The following FAM110B variants were observed in gnomAD, a reference collection of about 807,000 sequenced individuals.
FAM110B encodes the protein protein FAM110B.
A neutral mutation model predicts 20.4 loss-of-function variants in FAM110B; 6 were observed. The observed-to-expected ratio is 0.29, with a 90% CI of 0.16 to 0.58. The LOEUF (loss-of-function observed/expected upper bound fraction) is 0.58. Ranked by LOEUF, FAM110B falls within the 20% of genes least tolerant of loss-of-function variation. The probability of loss-of-function intolerance (pLI) is 0.90; values close to 1 mark genes in which losing one functional copy is unlikely to be tolerated. For missense variants in FAM110B, 434 were observed against 498.2 expected (o/e 0.87, Z 1.23); for synonymous variants, 226 against 214.1 (o/e 1.06, Z -0.49).
intron 1 of FAM110B, among the ~76,000 whole-genome samples, chr8:58,010,183 GTT>G (rs34438201): frequency 6.4e-5 from 9 of 140,690 alleles, no homozygotes; most frequent in Non-Finnish European, 4.7e-5. Context: ...CGCCCTGCTA[GTT>G]TTTTTTTTTT....
intron 2 of FAM110B, among the ~76,000 whole-genome samples, chr8:58,064,133 A>G (rs1268558747): frequency 3.9e-5 from 6 of 152,182 alleles, no homozygotes; most frequent in Non-Finnish European, 5.9e-5. Context: ...GGGTGATGGT[A>G]CTGAACCATT....
At chr8:58,071,870 G>A (rs1362296076) in intron 2 of FAM110B, among the ~76,000 whole-genome samples, 2 of 152,150 alleles carry the variant, frequency 1.3e-5, no homozygotes, top group Non-Finnish European at 2.9e-5. Flanking sequence ...GGGAACAGTC[G>A]TTCTACTTCA....
intron 3 of FAM110B, among the ~76,000 whole-genome samples, chr8:58,094,705 A>C (rs1429292939): frequency 6.6e-6 from 1 of 151,938 alleles, no homozygotes; most frequent in Non-Finnish European, 1.5e-5. Flanking sequence ...TTGGCCTGAA[A>C]TTTTCTTTTT....
intron 2 of FAM110B, among the ~76,000 whole-genome samples, chr8:58,042,237 C>G (rs1324272174): frequency 6.6e-6 from 1 of 152,124 alleles, no homozygotes; most frequent in East Asian, 1.9e-4. Flanking sequence ...TCTAAAATCA[C>G]AGATGTTGAT....
At chr8:58,138,930 A>G (rs2150640952) in intron 3 of FAM110B, among the ~76,000 whole-genome samples, 1 of 152,292 alleles carries the variant, frequency 6.6e-6, no homozygotes, top group African/African-American at 2.4e-5. Context: ...CTGCATCTCT[A>G]CACCTGGTTC....
intron 1 of FAM110B, among the ~76,000 whole-genome samples, chr8:57,995,901 C>T (rs1471701525): frequency 6.6e-6 from 1 of 152,206 alleles, no homozygotes; most frequent in Non-Finnish European, 1.5e-5. Context: ...GTCTATTTCT[C>T]AAAAGGGAAT....
chr8:58,101,348 G>A (rs1806775390), intron 3 of FAM110B, among the ~76,000 whole-genome samples: 1 of 152,128 alleles, frequency 6.6e-6, no homozygotes, highest in Non-Finnish European at 1.5e-5. Flanking sequence ...TTTGTGTGTT[G>A]CCAAGCTCCA....
chr8:58,147,671 G>T lies in FAM110B; in HGVS notation c.*328G>T, dbSNP rs1803899434. 7.6e-6 allele frequency: 2 copies of T among 261,440 alleles called. No homozygotes were observed. Among genetic ancestry groups the T allele is most frequent in the Non-Finnish European group, 1.6e-5 (2 of 126,840 alleles). The allele number at this position is 261,440 out of a possible 1,614,324, so 16.2% of individuals were successfully genotyped here. On this transcript the variant is annotated 3_prime_UTR_variant, in exon 4 of 4. Coordinates refer to ENST00000519262, the MANE Select transcript of FAM110B (RefSeq NM_001377989.1). ...TTGTGTTTTTATATCCCGCGCTATT[G>T]TGTCTTAATTAAAAGTTTTATCAAC... is the stretch of plus-strand genomic sequence containing the variant.
intron 1 of FAM110B, among the ~76,000 whole-genome samples, chr8:58,004,319 A>T (rs1804358906): frequency 1.3e-5 from 2 of 151,948 alleles, no homozygotes; most frequent in Admixed American, 1.3e-4. Context: ...TACACTGAAA[A>T]CCTGTTGTCT....
chr8:58,125,514 C>A (rs887292362), intron 3 of FAM110B, among the ~76,000 whole-genome samples: 2 of 152,140 alleles, frequency 1.3e-5, no homozygotes, highest in South Asian at 2.1e-4. Context: ...ACATTTTAAT[C>A]CATGGCATAT....
chr8:58,001,774 T>C (rs1261370823), intron 1 of FAM110B, among the ~76,000 whole-genome samples: 2 of 152,206 alleles, frequency 1.3e-5, no homozygotes, highest in African/African-American at 4.8e-5. Context: ...TTCTTTGGAC[T>C]TTTCATTTTA....
At chr8:58,009,809 G>C (rs1304967734) in intron 1 of FAM110B, among the ~76,000 whole-genome samples, 1 of 152,152 alleles carries the variant, frequency 6.6e-6, no homozygotes, top group Non-Finnish European at 1.5e-5. Flanking sequence ...AGTAATAACT[G>C]AAAGCAAGAA....
intron 1 of FAM110B, among the ~76,000 whole-genome samples, chr8:58,026,656 A>G (rs1804861202): frequency 6.6e-6 from 1 of 152,176 alleles, no homozygotes; most frequent in Non-Finnish European, 1.5e-5. Flanking sequence ...AAGTATGGAC[A>G]CCAGGATAGT....
intron 3 of FAM110B, among the ~76,000 whole-genome samples, chr8:58,133,177 A>C (rs1292277577): frequency 6.6e-6 from 1 of 150,696 alleles, no homozygotes; most frequent in Non-Finnish European, 1.5e-5. Flanking sequence ...TATAATCCTT[A>C]GAGAGCCTCT....
chr8:58,136,064 T>G (rs1803605886), intron 3 of FAM110B, among the ~76,000 whole-genome samples: 1 of 141,632 alleles, frequency 7.1e-6, no homozygotes, highest in Non-Finnish European at 1.5e-5. Context: ...CAGGCTGAAG[T>G]TCAGTGATGT....
chr8:58,044,269 C>T (rs1188877235), intron 2 of FAM110B, among the ~76,000 whole-genome samples: 1 of 152,160 alleles, frequency 6.6e-6, no homozygotes, highest in African/African-American at 2.4e-5. Context: ...ATGATGACCC[C>T]TGAGATTGTT....
intron 2 of FAM110B, among the ~76,000 whole-genome samples, chr8:58,072,498 G>A (rs1805925017): frequency 6.6e-6 from 1 of 152,032 alleles, no homozygotes; most frequent in Admixed American, 6.5e-5. Context: ...TTATGTTTTT[G>A]CAAAGTAACC....
chr8:58,075,267 T>G (rs1393899080), intron 2 of FAM110B, among the ~76,000 whole-genome samples: 93 of 134,214 alleles, frequency 6.9e-4, no homozygotes, highest in South Asian at 2.9e-3. Context: ...TTTTGCTTTT[T>G]TTTTTTTTTG....
intron 3 of FAM110B, among the ~76,000 whole-genome samples, chr8:58,103,614 G>A (rs1272643862): frequency 1.3e-5 from 2 of 152,100 alleles, no homozygotes; most frequent in Non-Finnish European, 2.9e-5. Flanking sequence ...CCTTCCAGGA[G>A]GTGTAAGGTA....
Sources: allele counts gnomAD v4.1 joint callset (sites outside exome capture counted in the v4.1 genomes callset), GRCh38; gene constraint gnomAD v4.1.1; transcripts MANE v1.5; gene names NCBI Gene and HGNC (gene_info 2026-07-23, HGNC 2026-07-21).